Variants in BLNK observed in about 807,000 individuals in gnomAD.
BLNK encodes B-cell linker protein.
Under a neutral mutation model 73.5 loss-of-function variants are expected in BLNK, and 29 were observed. That is an observed-to-expected ratio of 0.39 (90% confidence interval 0.29 to 0.54). The LOEUF (loss-of-function observed/expected upper bound fraction) is 0.54. Among genes scored for constraint, BLNK ranks in the 20% least tolerant of loss-of-function variants. BLNK has a pLI of 0.61. For synonymous variants in BLNK, 176 were observed against 200.8 expected (o/e 0.88, Z 1.04); for missense variants, 460 against 562.8 (o/e 0.82, Z 1.85).
In BLNK at chr10:96,246,847, C is replaced by A. The variant is rs1476507290; in HGVS notation, c.113+137G>T. On this transcript the variant is annotated intron_variant, in intron 2 of 16. Coordinates refer to ENST00000224337, the MANE Select transcript of BLNK (RefSeq NM_013314.4). ...ATGTAGACCTGGCCACCATGGATTC[C>A]AGCCAATAGTAAAGAAGGGTTACGT... 6.4e-6 allele frequency: 4 copies of A among 627,666 alleles called. No homozygotes were observed. In the African/African-American group the frequency reaches 7.4e-5, roughly 12 times the overall value. 38.9% of individuals were successfully genotyped at this position (627,666 alleles called of 1,614,324 possible). A position where few individuals can be genotyped will look rare whatever the true frequency, so the allele number is the denominator to read the frequency against.
intron 5 of BLNK, among the ~76,000 whole-genome samples, chr10:96,225,134 G>C (rs942578335): frequency 3.3e-5 from 5 of 152,244 alleles, no homozygotes; most frequent in Non-Finnish European, 7.3e-5. Context: ...TGCCATGTGA[G>C]AGAGGCGTTA....
chr10:96,204,628 A>T lies in BLNK; in HGVS notation c.818-12T>A, dbSNP rs782369962. The T allele has an allele frequency of 1.2e-6, 2 of 1,613,402 alleles. No homozygotes were observed. The highest frequency in any genetic ancestry group is 8.5e-7 in the Non-Finnish European group (1 of 1,179,362). On this transcript the variant is annotated splice_polypyrimidine_tract_variant and intron_variant, in intron 11 of 16. Transcript: ENST00000224337. ...AGGTATAGGTTTTTCTGGATCAGGA[A>T]AATTATCATATTAGGATTAGAGTGA...
Position 96,271,520 on chromosome 10 carries a change from AT to A in BLNK, c.-123del. The A allele has an allele frequency of 2.9e-6, 3 of 1,040,636 alleles. No individual in the cohort carries two copies. The highest frequency in any genetic ancestry group is 4.5e-6 in the Non-Finnish European group (3 of 666,276). 64.5% of individuals were successfully genotyped at this position (1,040,636 alleles called of 1,614,324 possible). On this transcript the variant is annotated 5_prime_UTR_variant, in exon 1 of 17. Transcript: ENST00000224337. ...CAAGGGTTCCGGCCACTCAAGTCTG[AT>A]TTCTGAGAGTGCAGGCTGCTGGCAA...
At chr10:96,264,456 A>G (rs898551399) in intron 1 of BLNK, among the ~76,000 whole-genome samples, 4 of 152,222 alleles carry the variant, frequency 2.6e-5, no homozygotes, top group Non-Finnish European at 5.9e-5. Flanking sequence ...ATTACAAGAG[A>G]CAGCGCTCTT....
chr10:96,240,503 T>C (rs587776182), intron 3 of BLNK, among the ~76,000 whole-genome samples: 2 of 152,282 alleles, frequency 1.3e-5, no homozygotes, highest in East Asian at 3.9e-4. Context: ...CAAGCAATCC[T>C]CCCATCTTGG....
chr10:96,208,294 G>A (rs2133979678), intron 9 of BLNK, among the ~76,000 whole-genome samples: 1 of 152,250 alleles, frequency 6.6e-6, no homozygotes, highest in East Asian at 1.9e-4. Context: ...TTCCCCAACA[G>A]CTCCCTGTGG....
At chr10:96,220,345 A>G (rs1420781520) in intron 6 of BLNK, among the ~76,000 whole-genome samples, 23 of 152,206 alleles carry the variant, frequency 1.5e-4, no homozygotes, top group African/African-American at 5.3e-4. Context: ...ATGCCACTTC[A>G]ATGATATTTC....
intron 6 of BLNK, 95 bp downstream of exon 6, chr10:96,223,731 G>T: frequency 1.4e-6 from 2 of 1,460,416 alleles, no homozygotes; most frequent in Non-Finnish European, 1.9e-6. Flanking sequence ...ATAGCAGGTT[G>T]TAAAGAAGGA....
intron 4 of BLNK, 44 bp downstream of exon 4, chr10:96,230,750 C>G: frequency 6.3e-7 from 1 of 1,590,114 alleles, no homozygotes; most frequent in Non-Finnish European, 8.6e-7. Flanking sequence ...AAAGGCCTCC[C>G]ATGGGACCCT....
At position 96,189,938 on chromosome 10, in the gene BLNK, G is replaced by T. The variant is rs1360301226; in HGVS notation, c.*2035C>A. ...CTTCAACCATAAAAGCACTGGTGGT[G>T]TTATTTCAAAGACCCCAAGGGAAAC... On this transcript the variant is annotated 3_prime_UTR_variant, in exon 17 of 17. Transcript: ENST00000224337. 18 of 964,070 alleles carry T rather than the reference G, an allele frequency of 1.9e-5. No individual in the cohort carries two copies. Among genetic ancestry groups the T allele is most frequent in the Non-Finnish European group, 2.8e-5 (17 of 602,146 alleles). The allele number at this position is 964,070 out of a possible 1,614,324, so 59.7% of individuals were successfully genotyped here. A position where few individuals can be genotyped will look rare whatever the true frequency, so the allele number is the denominator to read the frequency against.
intron 1 of BLNK, 143 bp downstream of exon 1, chr10:96,271,209 A>G (rs1844254793): frequency 9.1e-6 from 8 of 881,974 alleles, no homozygotes; most frequent in African/African-American, 1.7e-5. Context: ...TTTCCCTAAA[A>G]GCTCAGTCCA....
chr10:96,265,357 T>G (rs919946590), intron 1 of BLNK, among the ~76,000 whole-genome samples: 5 of 152,086 alleles, frequency 3.3e-5, no homozygotes, highest in Admixed American at 2.6e-4. Context: ...AATATGCTTT[T>G]TACCTCAACA....
chr10:96,270,342 T>C (rs1369962042), intron 1 of BLNK, among the ~76,000 whole-genome samples: 2 of 152,228 alleles, frequency 1.3e-5, no homozygotes, highest in African/African-American at 4.8e-5. Flanking sequence ...CATTGTTATC[T>C]GTGATTACTT....
chr10:96,214,920 C>A (rs2084029062), intron 8 of BLNK, among the ~76,000 whole-genome samples: 1 of 152,126 alleles, frequency 6.6e-6, no homozygotes, highest in South Asian at 2.1e-4. Context: ...AGTACAAGCC[C>A]AAGGTGGCAT....
At chr10:96,208,372 TG>T (rs1227286289) in intron 9 of BLNK, among the ~76,000 whole-genome samples, 14 of 152,176 alleles carry the variant, frequency 9.2e-5, no homozygotes, top group African/African-American at 3.4e-4. Flanking sequence ...CAGCTGCACT[TG>T]CCCACTCCAG....
intron 12 of BLNK, 36 bp from the exon 13 acceptor site, chr10:96,204,124 G>T: frequency 6.2e-7 from 1 of 1,612,000 alleles, no homozygotes; most frequent in Non-Finnish European, 8.5e-7. Context: ...AAAGGACAAA[G>T]CACAATATGA....
intron 1 of BLNK, among the ~76,000 whole-genome samples, chr10:96,250,022 G>A (rs1179695045): frequency 6.6e-6 from 1 of 152,170 alleles, no homozygotes; most frequent in East Asian, 1.9e-4. Flanking sequence ...AGGGACCCAC[G>A]TTCAAATGTA....
rs2083335263 is a variant in BLNK, at chr10:96,191,899, T to C, written c.*74A>G. On this transcript the variant is annotated 3_prime_UTR_variant, in exon 17 of 17. Transcript: ENST00000224337. ...GATTCATAATCCAAAATATGAAGTT[T>C]TGGGACTTTTTCTCAAAAGGAGAAA... The C allele has an allele frequency of 3.2e-6, 5 of 1,586,062 alleles. No homozygotes were observed. The South Asian group carries it at 3.3e-5, about 11-fold the overall frequency.
rs977660872 is a variant in BLNK, at chr10:96,200,567, C to T, written c.1012-409G>A. On this transcript the variant is annotated intron_variant, in intron 14 of 16. Coordinates refer to ENST00000224337, the MANE Select transcript of BLNK (RefSeq NM_013314.4). This position sits in a 1 kb window ranked among gnomAD's most constrained non-coding sequence, Gnocchi z 4.3. ...GACACATGCTATTATCCGTATTTTACATTTTTACATATATTTGTATGGAAA... is the reference window on the plus strand; with the variant it reads ...GACACATGCTATTATCCGTATTTTATATTTTTACATATATTTGTATGGAAA... Among the ~76,000 whole-genome samples, 1 of 152,184 alleles carries T rather than the reference C, an allele frequency of 6.6e-6. No homozygotes were observed. Among genetic ancestry groups the T allele is most frequent in the African/African-American group, 2.4e-5 (1 of 41,442 alleles).
Sources: gnomAD v4.1 joint callset for allele counts (sites outside exome capture counted in the v4.1 genomes callset) on GRCh38, gnomAD v4.1.1 for gene constraint, Gnocchi (gnomAD v3.1) non-coding constraint, MANE v1.5 for transcripts, NCBI Gene and HGNC (gene_info 2026-07-23, HGNC 2026-07-21) for gene names.